PTPN9: variants seen among roughly 807,000 people sequenced by gnomAD.
PTPN9 encodes the protein tyrosine-protein phosphatase non-receptor type 9.
A neutral mutation model predicts 69.8 loss-of-function variants in PTPN9; 26 were observed. That is an observed-to-expected ratio of 0.37 (90% CI 0.27 to 0.52). The LOEUF (loss-of-function observed/expected upper bound fraction) is 0.52. Among genes scored for constraint, PTPN9 ranks in the 20% least tolerant of loss-of-function variants. The pLI, the probability that PTPN9 is intolerant of heterozygous loss-of-function variation, is 0.91. For synonymous variants in PTPN9, 274 were observed against 272.5 expected, an observed-to-expected ratio of 1.01 and a Z score of -0.05; for missense variants, 549 against 740.3, an observed-to-expected ratio of 0.74 and a Z score of 3.00.
At chr15:75,560,064 T>C (rs1364310269) in intron 1 of PTPN9, among the ~76,000 whole-genome samples, 1 of 150,616 alleles carries the variant, frequency 6.6e-6, no homozygotes, top group East Asian at 2.0e-4. Flanking sequence ...TGCTTGAATC[T>C]GGGAGGCGGA....
intron 1 of PTPN9, among the ~76,000 whole-genome samples, chr15:75,540,819 C>T (rs2075005211): frequency 6.6e-6 from 1 of 151,574 alleles, no homozygotes; most frequent in African/African-American, 2.4e-5. Context: ...GACTCATGCC[C>T]GTAATCCAAG....
intron 1 of PTPN9, among the ~76,000 whole-genome samples, chr15:75,530,529 A>C: frequency 3.5e-5 from 2 of 56,634 alleles, no homozygotes; most frequent in African/African-American, 2.2e-4. Flanking sequence ...ATAATTTATT[A>C]TATAATATTA....
intron 1 of PTPN9, among the ~76,000 whole-genome samples, chr15:75,554,145 A>G (rs2075067108): frequency 1.3e-5 from 2 of 151,516 alleles, no homozygotes; most frequent in South Asian, 2.1e-4. Context: ...CAGCCTCCCA[A>G]GTAGCTGGGA....
chr15:75,504,550 C>T (rs1307531578), intron 7 of PTPN9, among the ~76,000 whole-genome samples: 1 of 140,462 alleles, frequency 7.1e-6, no homozygotes, highest in Non-Finnish European at 1.6e-5. Context: ...CCGCCCCGTC[C>T]AGGAGGTGAG....
chr15:75,564,291 A>G (rs2075117031), intron 1 of PTPN9, among the ~76,000 whole-genome samples: 1 of 152,044 alleles, frequency 6.6e-6, no homozygotes, highest in Non-Finnish European at 1.5e-5. Flanking sequence ...TTGAAGGGGA[A>G]AAATAAAAAT....
chr15:75,499,802 G>A (rs1401953639), intron 7 of PTPN9, among the ~76,000 whole-genome samples: 4 of 152,004 alleles, frequency 2.6e-5, no homozygotes, highest in Non-Finnish European at 5.9e-5. Flanking sequence ...CGAGAGCAAG[G>A]TGAAGAATCC....
chr15:75,565,227 A>G (rs2075121778), intron 1 of PTPN9, among the ~76,000 whole-genome samples: 1 of 151,988 alleles, frequency 6.6e-6, no homozygotes, highest in African/African-American at 2.4e-5. Context: ...TTTTACCCCT[A>G]TGATGGTTAT....
At chr15:75,475,333 C>G (rs1156897449) in intron 9 of PTPN9, among the ~76,000 whole-genome samples, 1 of 152,142 alleles carries the variant, frequency 6.6e-6, no homozygotes, top group African/African-American at 2.4e-5. Context: ...AATCCCAACA[C>G]TTTGGGAGGC....
intron 1 of PTPN9, among the ~76,000 whole-genome samples, chr15:75,558,750 C>A (rs1403767980): frequency 6.6e-6 from 1 of 152,212 alleles, no homozygotes; most frequent in Non-Finnish European, 1.5e-5. Flanking sequence ...GGGCTGGTCT[C>A]CAGCTCCTAA....
intron 5 of PTPN9, 71 bp downstream of exon 5, chr15:75,517,188 C>T (rs1245824631): frequency 8.7e-7 from 1 of 1,152,994 alleles, no homozygotes; most frequent in African/African-American, 1.6e-5. Flanking sequence ...TAAATCTTTT[C>T]CCAAAGAATT....
rs12904261 is a variant in PTPN9, at chr15:75,488,608, C to T, written c.1062+1600G>A. ...CCCAGGAAGAACTTAGGCAACACAG[C>T]GAGACCCTAGGTCTACAAAAATAAA... On this transcript the variant is annotated intron_variant, in intron 8 of 12. Coordinates refer to ENST00000618819, the MANE Select transcript of PTPN9 (RefSeq NM_002833.4). 3.3e-5 allele frequency among the ~76,000 whole-genome samples: 5 copies of T among 151,212 alleles called. No individual in the cohort carries two copies. In the East Asian group the frequency reaches 5.9e-4, roughly 18 times the overall value.
intron 9 of PTPN9, 134 bp from the exon 10 acceptor site, chr15:75,473,901 C>T: frequency 1.5e-6 from 1 of 679,312 alleles, no homozygotes; most frequent in Non-Finnish European, 2.6e-6. Context: ...TTCCACATCC[C>T]TGCTATTCAG....
chr15:75,568,870 C>A (rs1168141138), intron 1 of PTPN9, among the ~76,000 whole-genome samples: 1 of 152,072 alleles, frequency 6.6e-6, no homozygotes, highest in African/African-American at 2.4e-5. Flanking sequence ...GAACCAAACG[C>A]TTAAGAAGCT....
At chr15:75,569,830 A>AT (rs372731215) in intron 1 of PTPN9, among the ~76,000 whole-genome samples, 114 of 150,018 alleles carry the variant, frequency 7.6e-4, no homozygotes, top group Middle Eastern at 3.4e-3. Context: ...TGTGCTCAGA[A>AT]TTTTTTTTTT....
At chr15:75,566,867 G>A (rs2030270022) in intron 1 of PTPN9, among the ~76,000 whole-genome samples, 1 of 152,116 alleles carries the variant, frequency 6.6e-6, no homozygotes, top group African/African-American at 2.4e-5. Flanking sequence ...ACACGGGCCT[G>A]TGGTCCCAGC....
At chr15:75,519,433 T>G (rs1242991084) in intron 4 of PTPN9, among the ~76,000 whole-genome samples, 1 of 151,612 alleles carries the variant, frequency 6.6e-6, no homozygotes, top group Non-Finnish European at 1.5e-5. Context: ...TTACTATTTT[T>G]GCACCAGCAC....
intron 6 of PTPN9, 97 bp from the exon 7 acceptor site, chr15:75,506,100 G>T: frequency 1.0e-6 from 1 of 970,576 alleles, no homozygotes; most frequent in Non-Finnish European, 1.5e-6. Flanking sequence ...TTGGAGGATG[G>T]GATAAGATTT....
chr15:75,569,446 T>C (rs1490363214), intron 1 of PTPN9, among the ~76,000 whole-genome samples: 1 of 152,110 alleles, frequency 6.6e-6, no homozygotes, highest in Non-Finnish European at 1.5e-5. Flanking sequence ...GGCTCACGCC[T>C]GTAATCCCAG....
chr15:75,501,735 A>T (rs955390015), intron 7 of PTPN9, among the ~76,000 whole-genome samples: 1 of 152,156 alleles, frequency 6.6e-6, no homozygotes, highest in African/African-American at 2.4e-5. Flanking sequence ...CTGGGATTAT[A>T]GGCATGAGCC....
Sources: allele counts gnomAD v4.1 joint callset (sites outside exome capture counted in the v4.1 genomes callset), GRCh38; gene constraint gnomAD v4.1.1; transcripts MANE v1.5; gene names NCBI Gene and HGNC (gene_info 2026-07-23, HGNC 2026-07-21).